The following ITGA8 variants were observed in gnomAD, a reference collection of about 807,000 sequenced individuals.
ITGA8 encodes the protein integrin alpha-8.
In ITGA8, 91 loss-of-function variants were observed where a neutral mutation model predicts 142.3. The observed-to-expected ratio is 0.64, with a 90% CI of 0.54 to 0.76. ITGA8 has a LOEUF of 0.76. Among genes scored for constraint, ITGA8 ranks in the 30% least tolerant of loss-of-function variants. The pLI is 0.00. For missense variants in ITGA8, 1,406 were observed against 1,327.7 expected (o/e 1.06, Z -0.92); for synonymous variants, 505 against 485.2 (o/e 1.04, Z -0.54).
intron 28 of ITGA8, among the ~76,000 whole-genome samples, chr10:15,522,815 C>T (rs911701398): frequency 2.0e-5 from 3 of 152,108 alleles, no homozygotes; most frequent in Non-Finnish European, 4.4e-5. Flanking sequence ...AGTTTGAGAC[C>T]AGCCTGGCCA....
At chr10:15,636,909 T>C (rs1833780676) in intron 13 of ITGA8, among the ~76,000 whole-genome samples, 1 of 152,040 alleles carries the variant, frequency 6.6e-6, no homozygotes, top group African/African-American at 2.4e-5. Flanking sequence ...CTTTGGAAGG[T>C]CAAGGCGGGT....
rs1177616260 is a variant in ITGA8 at position 15,646,854 on chromosome 10, C to T, written c.1199G>A (p.Gly400Glu). 1 of 1,613,530 alleles carries T rather than the reference C, an allele frequency of 6.2e-7. No homozygotes were observed. The highest frequency in any genetic ancestry group is 8.5e-7 in the Non-Finnish European group (1 of 1,179,608). Residue 400 changes from glycine (G) to glutamate (E), a missense_variant, in exon 12 of 30, where the codon GGA (glycine) becomes GAA (glutamate). Gly to Glu is a moderately conservative substitution (Grantham distance 98). Coordinates refer to ENST00000378076, the MANE Select transcript of ITGA8 (RefSeq NM_003638.3). ...GCTTTGGTTTAAATTACCATTGTAT[C>T]CATCTTGGTTCAGGTCTCCTAAGTG... ...MAHLGDLNQDGYNDIAIGVPF... is the reference protein window; with the variant it reads ...MAHLGDLNQDEYNDIAIGVPF...
chr10:15,534,306 G>A (rs1218090872), intron 27 of ITGA8, among the ~76,000 whole-genome samples: 1 of 152,214 alleles, frequency 6.6e-6, no homozygotes, highest in African/African-American at 2.4e-5. Context: ...ACTGAGATGA[G>A]ACTGTATCTG....
intron 13 of ITGA8, among the ~76,000 whole-genome samples, chr10:15,638,554 G>A (rs528430309): frequency 1.7e-4 from 26 of 152,286 alleles, no homozygotes; most frequent in African/African-American, 6.0e-4. Flanking sequence ...TGAGGAGAAA[G>A]CGTTTATCTC....
intron 11 of ITGA8, among the ~76,000 whole-genome samples, chr10:15,649,032 A>G (rs1834037990): frequency 1.3e-5 from 2 of 152,288 alleles, no homozygotes; most frequent in East Asian, 1.9e-4. Context: ...GGAAGGTTCC[A>G]TGGAGGAGAT....
chr10:15,667,847 C>T (rs1263806197), intron 8 of ITGA8, among the ~76,000 whole-genome samples: 1 of 152,102 alleles, frequency 6.6e-6, no homozygotes, highest in African/African-American at 2.4e-5. Flanking sequence ...GTTTCTTAAT[C>T]CTGAGTTCTA....
At chr10:15,571,182 T>C (rs1266331281) in intron 25 of ITGA8, among the ~76,000 whole-genome samples, 3 of 152,224 alleles carry the variant, frequency 2.0e-5, no homozygotes, top group Non-Finnish European at 2.9e-5. Context: ...GAACCCCCTT[T>C]AGTCTTCCCT....
chr10:15,612,487 G>A (rs185275930), intron 15 of ITGA8, among the ~76,000 whole-genome samples: 11 of 152,284 alleles, frequency 7.2e-5, no homozygotes, highest in Admixed American at 3.3e-4. Context: ...CTTTCAGAGG[G>A]TATACCCTGA....
chr10:15,582,591 A>T (rs1437840217), intron 23 of ITGA8, among the ~76,000 whole-genome samples: 1 of 152,250 alleles, frequency 6.6e-6, no homozygotes, highest in Non-Finnish European at 1.5e-5. Flanking sequence ...TAATAAGGAG[A>T]CAGAAAACCC....
chr10:15,599,699 T>C (rs1833068049), intron 20 of ITGA8, among the ~76,000 whole-genome samples: 1 of 119,928 alleles, frequency 8.3e-6, no homozygotes, highest in Non-Finnish European at 1.8e-5. Flanking sequence ...GGCAGGTGGA[T>C]CGCCTGAGGT....
intron 11 of ITGA8, among the ~76,000 whole-genome samples, chr10:15,652,822 A>T (rs943233035): frequency 6.6e-5 from 10 of 152,156 alleles, no homozygotes; most frequent in African/African-American, 2.4e-4. Flanking sequence ...CCTCCAAGCC[A>T]CTGTCCTGCC....
intron 8 of ITGA8, among the ~76,000 whole-genome samples, chr10:15,667,228 CT>C (rs1834412798): frequency 6.6e-6 from 1 of 152,100 alleles, no homozygotes; most frequent in Admixed American, 6.5e-5. Context: ...GATTCAACTT[CT>C]TTCTGGTTTA....
At chr10:15,644,719 A>G (rs1010840378) in intron 12 of ITGA8, among the ~76,000 whole-genome samples, 3 of 151,432 alleles carry the variant, frequency 2.0e-5, no homozygotes, top group African/African-American at 4.9e-5. Context: ...AAGGGCTTAT[A>G]ATGTTTTCCA....
At chr10:15,667,096 C>T (rs1296270738) in intron 8 of ITGA8, among the ~76,000 whole-genome samples, 1 of 152,166 alleles carries the variant, frequency 6.6e-6, no homozygotes, top group Non-Finnish European at 1.5e-5. Flanking sequence ...AGGAATGGTA[C>T]CAGCTCCTCT....
intron 28 of ITGA8, among the ~76,000 whole-genome samples, chr10:15,524,652 G>A (rs370004606): frequency 2.9e-4 from 44 of 152,272 alleles, no homozygotes; most frequent in South Asian, 6.2e-4. Context: ...GAAACTCCAC[G>A]CTCTGTATAG....
chr10:15,614,211 A>G (rs1197186882), intron 14 of ITGA8, among the ~76,000 whole-genome samples: 1 of 152,184 alleles, frequency 6.6e-6, no homozygotes, highest in Non-Finnish European at 1.5e-5. Flanking sequence ...TTTTGTGAGT[A>G]CTTGAAGTTT....
At chr10:15,574,869 G>A (rs1180705740) in intron 24 of ITGA8, among the ~76,000 whole-genome samples, 1 of 151,854 alleles carries the variant, frequency 6.6e-6, no homozygotes, top group Non-Finnish European at 1.5e-5. Context: ...TGTCTAGGAA[G>A]CTAGCCATTT....
In ITGA8 at chr10:15,687,984, T is replaced by A; in HGVS notation, c.398A>T (p.Asn133Ile). The change falls in exon 3 of 30, where the codon AAT (asparagine) becomes ATT (isoleucine). Residue 133 changes from asparagine to isoleucine, a missense_variant. Physicochemically the swap from Asn to Ile is moderately radical, Grantham distance 149. Transcript: ENST00000378076. ...GTKEPIEFKSNQWFGATVKAH... is the reference protein window; with the variant it reads ...GTKEPIEFKSIQWFGATVKAH... ...TTTCACTGTTGCTCCAAACCACTGATTGGATTTGAACTCGATAGGTTCTTT... is the reference window on the plus strand; with the variant it reads ...TTTCACTGTTGCTCCAAACCACTGAATGGATTTGAACTCGATAGGTTCTTT... 1 of 1,613,900 alleles carries A rather than the reference T, an allele frequency of 6.2e-7. No homozygotes were observed. Among genetic ancestry groups the A allele is most frequent in the Non-Finnish European group, 8.5e-7 (1 of 1,179,768 alleles).
intron 25 of ITGA8, among the ~76,000 whole-genome samples, chr10:15,561,601 T>A (rs1833982808): frequency 6.6e-6 from 1 of 152,022 alleles, no homozygotes; most frequent in South Asian, 2.1e-4. Context: ...TTTAACAAAG[T>A]TTATAGAACC....
Sources: allele counts gnomAD v4.1 joint callset (sites outside exome capture counted in the v4.1 genomes callset), GRCh38; gene constraint gnomAD v4.1.1; transcripts MANE v1.5; gene names NCBI Gene and HGNC (gene_info 2026-07-23, HGNC 2026-07-21).